The following PCDH15 variants were observed in gnomAD, a reference collection of about 807,000 sequenced individuals.
The protein encoded by PCDH15 is protocadherin related 15.
Under a neutral mutation model 178.5 loss-of-function variants are expected in PCDH15, and 129 were observed. That is an observed-to-expected ratio of 0.72 (90% CI 0.63 to 0.84). The LOEUF is 0.84. Among genes scored for constraint, PCDH15 ranks in the 40% least tolerant of loss-of-function variants. The probability of loss-of-function intolerance (pLI) is 0.00; values close to 1 mark genes in which losing one functional copy is unlikely to be tolerated. For synonymous variants in PCDH15, 800 were observed against 732.0 expected (o/e 1.09, Z -1.50); for missense variants, 2,230 against 2,099.9 (o/e 1.06, Z -1.21).
At chr10:55,062,731 T>G (rs1320794512) in intron 2 of PCDH15, among the ~76,000 whole-genome samples, 1 of 152,136 alleles carries the variant, frequency 6.6e-6, no homozygotes, top group African/African-American at 2.4e-5. Context: ...AGGTAAACTG[T>G]GGACTTTGGG....
intron 2 of PCDH15, among the ~76,000 whole-genome samples, chr10:55,125,163 T>TTGTGTGTGTGTG (rs34423359): frequency 0.076 from 10,909 of 142,932 alleles, 518 homozygotes; most frequent in South Asian, 0.11. Context: ...TTTTTTTTAA[T>TTGTGTGTGTGTG]TGTGTGTGTG....
In PCDH15 at chr10:54,236,817, A is replaced by G. The variant is rs1038180606; in HGVS notation, c.985+6T>C. On this transcript the variant is annotated splice_donor_region_variant and intron_variant, in intron 9 of 37. Transcript: ENST00000644397. ...CTGATAGTGTAAAATGTTATCAGAT[A>G]CAAACCAACAAGGATGGAATAGAGG... The G allele has an allele frequency of 1.9e-6, 3 of 1,601,954 alleles. No individual in the cohort carries two copies. Among genetic ancestry groups the G allele is most frequent in the Non-Finnish European group, 2.6e-6 (3 of 1,168,976 alleles).
intron 2 of PCDH15, among the ~76,000 whole-genome samples, chr10:54,955,459 G>A (rs1442016887): frequency 6.6e-6 from 1 of 151,172 alleles, no homozygotes; most frequent in African/African-American, 2.4e-5. Flanking sequence ...TTAGATTGAT[G>A]TTCACATTCT....
At chr10:54,512,049 T>C (rs1451553555) in intron 3 of PCDH15, among the ~76,000 whole-genome samples, 1 of 152,176 alleles carries the variant, frequency 6.6e-6, no homozygotes, top group African/African-American at 2.4e-5. Context: ...AGTTGACATT[T>C]GGTGTTGTTA....
intron 1 of PCDH15, among the ~76,000 whole-genome samples, chr10:54,678,620 T>C (rs2094835752): frequency 6.6e-6 from 1 of 152,178 alleles, no homozygotes; most frequent in African/African-American, 2.4e-5. Context: ...GTAGATGTTT[T>C]CTAATTTTTA....
intron 26 of PCDH15, among the ~76,000 whole-genome samples, chr10:53,871,333 G>A (rs190965149): frequency 2.6e-5 from 4 of 151,936 alleles, no homozygotes; most frequent in East Asian, 1.9e-4. Flanking sequence ...AGAGCGAGAC[G>A]TCGTCTCAAA....
chr10:54,044,329 T>C (rs1023738194), intron 18 of PCDH15, among the ~76,000 whole-genome samples: 2 of 152,126 alleles, frequency 1.3e-5, no homozygotes, highest in African/African-American at 2.4e-5. Context: ...TAAAGGTATA[T>C]AGAAGTGGGC....
At chr10:54,726,108 T>C (rs1215229910) in intron 1 of PCDH15, among the ~76,000 whole-genome samples, 1 of 151,582 alleles carries the variant, frequency 6.6e-6, no homozygotes, top group African/African-American at 2.4e-5. Flanking sequence ...AAATTCTCCC[T>C]CCCCTTTTTG....
intron 8 of PCDH15, among the ~76,000 whole-genome samples, chr10:54,293,804 A>G (rs967741663): frequency 6.6e-6 from 1 of 152,230 alleles, no homozygotes; most frequent in African/African-American, 2.4e-5. Flanking sequence ...CAATCATTAA[A>G]AAGTCGGGAA....
At chr10:55,414,565 C>T (rs1366032201) in intron 2 of PCDH15, among the ~76,000 whole-genome samples, 1 of 151,592 alleles carries the variant, frequency 6.6e-6, no homozygotes, top group Non-Finnish European at 1.5e-5. Context: ...ATTCTCAATG[C>T]TTTACAGTTT....
At position 54,300,883 on chromosome 10, in the gene PCDH15, T is replaced by C. The variant is rs149002000; in HGVS notation, c.876+16388A>G. Reference sequence around the variant, plus strand: ...AATAAGGGAATAAAAGCTGGCCACCTGAGCTGGCAGCGGCAACCTGTTTGG... The same window carrying C: ...AATAAGGGAATAAAAGCTGGCCACCCGAGCTGGCAGCGGCAACCTGTTTGG... On this transcript the variant is annotated intron_variant, in intron 8 of 37. Transcript: ENST00000644397. Among the ~76,000 whole-genome samples, 393 of 152,306 alleles carry C rather than the reference T, an allele frequency of 2.6e-3. 1 individual carries two copies. The highest frequency in any genetic ancestry group is 7.1e-3 in the African/African-American group (295 of 41,582).
At chr10:54,597,577 C>T (rs1826054952) in intron 2 of PCDH15, among the ~76,000 whole-genome samples, 1 of 151,468 alleles carries the variant, frequency 6.6e-6, no homozygotes. Context: ...AACAAAATAA[C>T]AACAAAAACA....
At chr10:53,838,434 T>C (rs2077440906) in intron 29 of PCDH15, among the ~76,000 whole-genome samples, 1 of 120,756 alleles carries the variant, frequency 8.3e-6, no homozygotes, top group African/African-American at 3.3e-5. Context: ...TATTTCATGG[T>C]GTCACTTAAA....
At chr10:55,067,682 G>C (rs1459643300) in intron 2 of PCDH15, among the ~76,000 whole-genome samples, 1 of 149,372 alleles carries the variant, frequency 6.7e-6, no homozygotes. Flanking sequence ...TTCTATGGTG[G>C]TTGTACTAAT....
chr10:54,264,911 C>A (rs1329811002), intron 8 of PCDH15, among the ~76,000 whole-genome samples: 1 of 151,932 alleles, frequency 6.6e-6, no homozygotes, highest in Non-Finnish European at 1.5e-5. Context: ...ATCCAGAGAA[C>A]CCCTTTTATA....
intron 23 of PCDH15, among the ~76,000 whole-genome samples, chr10:53,958,978 C>CAAAA (rs71004497): frequency 1.1e-4 from 5 of 45,828 alleles, no homozygotes; most frequent in Non-Finnish European, 1.9e-4. Context: ...GACTCCATCT[C>CAAAA]AAAAAAAAAA....
At chr10:54,706,687 G>A (rs994724966) in intron 1 of PCDH15, among the ~76,000 whole-genome samples, 3 of 152,080 alleles carry the variant, frequency 2.0e-5, no homozygotes, top group Admixed American at 6.6e-5. Flanking sequence ...GCAGTGGCGC[G>A]ATCTCGGCTC....
intron 2 of PCDH15, among the ~76,000 whole-genome samples, chr10:55,416,557 C>G (rs949173004): frequency 6.6e-6 from 1 of 151,548 alleles, no homozygotes; most frequent in Non-Finnish European, 1.5e-5. Flanking sequence ...GGGTGGGTAT[C>G]AGGGGAATCA....
At chr10:54,793,968 C>CT (rs140491151) in intron 1 of PCDH15, among the ~76,000 whole-genome samples, 6,256 of 141,036 alleles carry the variant, frequency 0.044, 395 homozygotes, top group African/African-American at 0.15. Flanking sequence ...GGAATGTGTT[C>CT]TTTTTTTTTT....
Sources: gnomAD v4.1 joint callset for allele counts (sites outside exome capture counted in the v4.1 genomes callset) on GRCh38, gnomAD v4.1.1 for gene constraint, MANE v1.5 for transcripts, NCBI Gene and HGNC (gene_info 2026-07-23, HGNC 2026-07-21) for gene names.